Variants in SH3BP2 observed in about 807,000 individuals in gnomAD.
SH3BP2 encodes the protein SH3 domain binding protein 2.
A neutral mutation model predicts 56.2 loss-of-function variants in SH3BP2; 38 were observed. The ratio of observed to expected loss-of-function variants is 0.68; its 90% CI spans 0.52 to 0.89. The LOEUF is 0.89. Among genes scored for constraint, SH3BP2 ranks in the 40% least tolerant of loss-of-function variants. The probability of loss-of-function intolerance (pLI) is 0.00; values close to 1 mark genes in which losing one functional copy is unlikely to be tolerated. For synonymous variants in SH3BP2, 346 were observed against 316.7 expected, an observed-to-expected ratio of 1.09 and a Z score of -0.98; for missense variants, 748 against 762.6, an observed-to-expected ratio of 0.98 and a Z score of 0.23.
At chr4:2,794,010 A>C (rs1353702569) in intron 1 of SH3BP2, 1 of 152,250 alleles carries the variant, frequency 6.6e-6, no homozygotes, top group Non-Finnish European at 1.5e-5. Flanking sequence ...TCTGTGCCTC[A>C]GTTTGCTCAT....
chr4:2,831,880 G>A lies in SH3BP2; in HGVS notation c.1351-43G>A, dbSNP rs769138098. Reference sequence around the variant, plus strand: ...CCGTCCGGGGAGTGGTGGTGCGGGTGGATCACTCCGACGTTGGCACTGACA... The same window carrying A: ...CCGTCCGGGGAGTGGTGGTGCGGGTAGATCACTCCGACGTTGGCACTGACA... On this transcript the variant is annotated intron_variant, in intron 9 of 12. Coordinates refer to ENST00000503393, the MANE Select transcript of SH3BP2 (RefSeq NM_001122681.2). The surrounding 1 kb of genome is among the most constrained non-coding windows in gnomAD (Gnocchi z 4.1). 2 of 1,602,826 alleles carry A rather than the reference G, an allele frequency of 1.2e-6. No homozygotes were observed. Among genetic ancestry groups the A allele is most frequent in the Non-Finnish European group, 1.7e-6 (2 of 1,173,154 alleles).
At chr4:2,809,798 CCTGCCCTGCTGG>C in intron 1 of SH3BP2, 1 of 985,706 alleles carries the variant, frequency 1.0e-6, no homozygotes, top group South Asian at 4.7e-5. Context: ...TGGCCCTCTG[CCTGCCCTGCTGG>C]CTGGCTCCCA....
intron 1 of SH3BP2, among the ~76,000 whole-genome samples, 193 bp from the exon 2 acceptor site, chr4:2,820,421 G>A (rs908748269): frequency 6.6e-6 from 1 of 152,174 alleles, no homozygotes; most frequent in African/African-American, 2.4e-5. Context: ...TGACTGAGTG[G>A]AGCCCGTGGC....
At chr4:2,832,658 T>C (rs1358319529) in intron 11 of SH3BP2, among the ~76,000 whole-genome samples, 2 of 152,172 alleles carry the variant, frequency 1.3e-5, no homozygotes, top group African/African-American at 4.8e-5. Context: ...GGGCTCATGC[T>C]CTGGGGTGGC....
chr4:2,820,005 A>G (rs1724214572), intron 1 of SH3BP2, among the ~76,000 whole-genome samples: 1 of 152,062 alleles, frequency 6.6e-6, no homozygotes, highest in Non-Finnish European at 1.5e-5. Context: ...GGTGGGGTGG[A>G]TAGCAGCCAA....
chr4:2,809,868 G>A, intron 1 of SH3BP2: 2 of 974,478 alleles, frequency 2.1e-6, no homozygotes, highest in Middle Eastern at 5.2e-4. Context: ...AAGTCCCCAA[G>A]CCTGGCAGTT....
intron 1 of SH3BP2, chr4:2,798,883 T>TGGGCA: frequency 6.5e-6 from 5 of 768,594 alleles, no homozygotes; most frequent in Non-Finnish European, 7.9e-6. Flanking sequence ...CCGCCTTCTC[T>TGGGCA]GGGCAGGGCA....
intron 1 of SH3BP2, 41 bp from the exon 2 acceptor site, chr4:2,820,573 C>G (rs1380149869): frequency 1.9e-6 from 3 of 1,613,738 alleles, no homozygotes; most frequent in Non-Finnish European, 2.5e-6. Flanking sequence ...CATCTCCTGC[C>G]TGACCGTAGC....
intron 2 of SH3BP2, among the ~76,000 whole-genome samples, chr4:2,822,526 C>T (rs1724364561): frequency 6.6e-6 from 1 of 152,222 alleles, no homozygotes; most frequent in Non-Finnish European, 1.5e-5. Flanking sequence ...TGAGCCACTG[C>T]ACCCGGCCTT....
intron 10 of SH3BP2, 83 bp from the exon 11 acceptor site, chr4:2,832,248 C>G: frequency 1.6e-6 from 2 of 1,247,476 alleles, no homozygotes; most frequent in Admixed American, 1.7e-5. Flanking sequence ...GGACAGAAAG[C>G]CAGGCTTGGG....
chr4:2,827,667 G>T lies in SH3BP2; in HGVS notation c.579G>T (p.Arg193Ser). ...YLEPDSPEPG[R>S]LEDALMHPPA... ...AGCCTGACTCCCCGGAGCCCGGAAG[G>T]CTTGAGGGTAGGTGGGGCGGGTGGG... Residue 193 changes from arginine (R) to serine (S), a missense_variant, in exon 7 of 13, where the codon AGG becomes AGT. Coordinates refer to ENST00000503393, the MANE Select transcript of SH3BP2 (RefSeq NM_001122681.2). The T allele has an allele frequency of 6.3e-7, 1 of 1,590,210 alleles. No homozygotes were observed. Among genetic ancestry groups the T allele is most frequent in the Non-Finnish European group, 8.6e-7 (1 of 1,167,778 alleles).
chr4:2,832,514 G>C (rs1026630706), intron 11 of SH3BP2, 102 bp downstream of exon 11: 2 of 863,934 alleles, frequency 2.3e-6, no homozygotes, highest in African/African-American at 3.3e-5. Context: ...CTCCCCTTGT[G>C]GACTCTTACT....
chr4:2,796,033 G>A (rs1723050100), intron 1 of SH3BP2, among the ~76,000 whole-genome samples: 1 of 152,172 alleles, frequency 6.6e-6, no homozygotes, highest in Admixed American at 6.5e-5. Flanking sequence ...CCACCCCTTG[G>A]CCTGTGCACG....
rs1724887772 is a variant in SH3BP2, at chr4:2,829,914, C to G, written c.1008C>G (p.Ser336=). ...ATSRNCDKLK[S]FHLSPRGPPT... is the part of the protein sequence containing the mutation. ...CCAGAAACTGTGACAAACTCAAGTC[C>G]TTCCACCTGTCCCCCCGAGGACCAC... Residue 336 remains serine (S), a synonymous_variant, in exon 8 of 13, where the codon TCC becomes TCG. Transcript: ENST00000503393. The surrounding 1 kb of genome is among the most constrained non-coding windows in gnomAD (Gnocchi z 4.9). The G allele has an allele frequency of 6.2e-7, 1 of 1,613,804 alleles. No individual in the cohort carries two copies. Among genetic ancestry groups the G allele is most frequent in the Non-Finnish European group, 8.5e-7 (1 of 1,180,022 alleles).
rs1723524782 is a variant in SH3BP2, at chr4:2,806,137, A to G, written c.-5+12999A>G. On this transcript the variant is annotated intron_variant, in intron 1 of 12. Coordinates refer to ENST00000503393, the MANE Select transcript of SH3BP2 (RefSeq NM_001122681.2). ...GGATTGAGCCAGGCTTGTTCCCACC[A>G]AAGCCTGCACGCTGACCACGGCTCT... Among the ~76,000 whole-genome samples the G allele has an allele frequency of 3.9e-5, 6 of 152,164 alleles. No individual in the cohort carries two copies. The South Asian group carries it at 1.2e-3, about 31-fold the overall frequency.
rs996045940 is a variant in SH3BP2 at position 2,840,251 on chromosome 4, A to AG, written c.*6417_*6418insG. 2.0e-5 allele frequency: 3 copies of AG among 151,658 alleles called. No homozygotes were observed. Among genetic ancestry groups the AG allele is most frequent in the Non-Finnish European group, 4.4e-5 (3 of 67,924 alleles). The allele number at this position is 151,658 out of a possible 1,614,324, so 9.4% of individuals were successfully genotyped here. A position where few individuals can be genotyped will look rare whatever the true frequency, so the allele number is the denominator to read the frequency against. The stretch of plus-strand genomic sequence containing the variant: ...AAAAAAACCAAAAAAAAAAAAAAAA[A>AG]AAAGAAAACCACTGAAATTATTTCC... On this transcript the variant is annotated 3_prime_UTR_variant, in exon 13 of 13. Coordinates refer to ENST00000503393, the MANE Select transcript of SH3BP2 (RefSeq NM_001122681.2).
At chr4:2,818,946 A>G (rs1251220042) in intron 1 of SH3BP2, 1 of 970,794 alleles carries the variant, frequency 1.0e-6, no homozygotes, top group Non-Finnish European at 1.2e-6. Flanking sequence ...TTTGTTTTTA[A>G]TTTTTTAATT....
chr4:2,807,854 G>A (rs1304746343), intron 1 of SH3BP2, among the ~76,000 whole-genome samples: 3 of 152,188 alleles, frequency 2.0e-5, no homozygotes, highest in African/African-American at 7.2e-5. Context: ...GTGTGCAGGA[G>A]GGTGGGAGGT....
Position 2,829,056 on chromosome 4 carries a change from C to T in SH3BP2, c.587-437C>T, listed in dbSNP as rs1281310404. Among the ~76,000 whole-genome samples the T allele has an allele frequency of 1.3e-5, 2 of 152,186 alleles. No homozygotes were observed. Among genetic ancestry groups the T allele is most frequent in the African/African-American group, 4.8e-5 (2 of 41,442 alleles). ...CATTCCCTGACCCCGCATCCCCTGG[C>T]ATCTCCCAGCTTTCTGGATATGTTC... On this transcript the variant is annotated intron_variant, in intron 7 of 12. Coordinates refer to ENST00000503393, the MANE Select transcript of SH3BP2 (RefSeq NM_001122681.2). The surrounding 1 kb of genome is among the most constrained non-coding windows in gnomAD (Gnocchi z 4.9).
Sources: allele counts gnomAD v4.1 joint callset (sites outside exome capture counted in the v4.1 genomes callset), GRCh38; gene constraint gnomAD v4.1.1; non-coding constraint Gnocchi (gnomAD v3.1); transcripts MANE v1.5; gene names NCBI Gene and HGNC (gene_info 2026-07-23, HGNC 2026-07-21).